HPSE2: variants seen among roughly 807,000 people sequenced by gnomAD.
HPSE2 encodes inactive heparanase-2.
A neutral mutation model predicts 60.5 loss-of-function variants in HPSE2; 38 were observed. The ratio of observed to expected loss-of-function variants is 0.63; its 90% confidence interval spans 0.48 to 0.82. The LOEUF (loss-of-function observed/expected upper bound fraction) is 0.82. Ranked by LOEUF, HPSE2 falls within the 40% of genes least tolerant of loss-of-function variation. The pLI is 0.00. For missense variants in HPSE2, 713 were observed against 740.4 expected, an observed-to-expected ratio of 0.96 and a Z score of 0.43; for synonymous variants, 295 against 293.2, an observed-to-expected ratio of 1.01 and a Z score of -0.06.
intron 3 of HPSE2, among the ~76,000 whole-genome samples, chr10:98,962,871 C>G (rs1425857329): frequency 6.6e-6 from 1 of 152,036 alleles, no homozygotes; most frequent in Non-Finnish European, 1.5e-5. Flanking sequence ...ATCCAACTTA[C>G]AAGGGATGTG....
In HPSE2 at chr10:98,994,377, T is replaced by C. The variant is rs188513185; in HGVS notation, c.610+149861A>G. On this transcript the variant is annotated intron_variant, in intron 3 of 11. Transcript: ENST00000370552. ...TCCTCAACCAGACAGCAGCTGCAGC[T>C]ACATCAAGTCAAATTCAGCCTAAGG... Among the ~76,000 whole-genome samples the C allele has an allele frequency of 1.7e-3, 256 of 152,236 alleles. 1 individual carries two copies. The highest frequency in any genetic ancestry group is 5.9e-3 in the African/African-American group (246 of 41,524).
intron 7 of HPSE2, among the ~76,000 whole-genome samples, chr10:98,624,776 C>T (rs894188783): frequency 1.3e-5 from 2 of 152,188 alleles, no homozygotes; most frequent in Non-Finnish European, 2.9e-5. Flanking sequence ...AAGGATCTTT[C>T]CTTGTCAAAG....
At chr10:99,094,953 C>T (rs1171024675) in intron 3 of HPSE2, among the ~76,000 whole-genome samples, 1 of 151,932 alleles carries the variant, frequency 6.6e-6, no homozygotes, top group Non-Finnish European at 1.5e-5. Context: ...TTTGGGAGGC[C>T]AAGGTGGGAG....
At chr10:99,305,967 G>GCACACACACACA in the HPSE2 span, among the ~76,000 whole-genome samples, 26 of 54,542 alleles carry the variant, frequency 4.8e-4, no homozygotes, top group Middle Eastern at 0.025. Context: ...ACACACGCGC[G>GCACACACACACA]CGCGCGCGCG....
At chr10:99,211,555 C>T (rs1311610403) in intron 2 of HPSE2, among the ~76,000 whole-genome samples, 1 of 152,040 alleles carries the variant, frequency 6.6e-6, no homozygotes, top group Admixed American at 6.5e-5. Context: ...AGAAATGGAG[C>T]CACACATTAC....
intron 4 of HPSE2, among the ~76,000 whole-genome samples, chr10:98,725,492 G>A (rs911024067): frequency 2.0e-5 from 3 of 152,176 alleles, no homozygotes; most frequent in African/African-American, 7.2e-5. Flanking sequence ...ATTAATTCAA[G>A]ATGGATTAAA....
chr10:99,008,025 A>G (rs1956931133), intron 3 of HPSE2, among the ~76,000 whole-genome samples: 2 of 152,198 alleles, frequency 1.3e-5, no homozygotes, highest in Admixed American at 1.3e-4. Flanking sequence ...GCAGTCCAAA[A>G]AGAAAATCCT....
chr10:98,831,061 T>A (rs1951672529), intron 3 of HPSE2, among the ~76,000 whole-genome samples: 1 of 152,196 alleles, frequency 6.6e-6, no homozygotes, highest in Admixed American at 6.5e-5. Flanking sequence ...TCCACCCCTC[T>A]GCATTTCCTT....
chr10:99,060,151 CA>C (rs903953216), intron 3 of HPSE2, among the ~76,000 whole-genome samples: 32 of 151,636 alleles, frequency 2.1e-4, no homozygotes, highest in Non-Finnish European at 4.6e-4. Context: ...AAATAAATAA[CA>C]AAAGACATAA....
rs115601554 is a variant in HPSE2, at chr10:98,473,091, A to G, written c.1613+9545T>C. Among the ~76,000 whole-genome samples the G allele has an allele frequency of 1.8e-3, 273 of 152,348 alleles. 2 individuals carry two copies. Among genetic ancestry groups the G allele is most frequent in the African/African-American group, 6.3e-3 (262 of 41,586 alleles). Reference sequence around the variant, plus strand: ...TATGGAGTTGGCAAAGATGTAAAAAATGTTACTATATTGTGTTAGTGAGGT... The same window carrying G: ...TATGGAGTTGGCAAAGATGTAAAAAGTGTTACTATATTGTGTTAGTGAGGT... On this transcript the variant is annotated intron_variant, in intron 11 of 11. Coordinates refer to ENST00000370552, the MANE Select transcript of HPSE2 (RefSeq NM_021828.5).
rs926531342 is a variant in HPSE2 at position 98,458,561 on chromosome 10, G to T, written c.*1013C>A. 9 of 152,192 alleles carry T rather than the reference G, an allele frequency of 5.9e-5. No homozygotes were observed. The highest frequency in any genetic ancestry group is 1.2e-4 in the Non-Finnish European group (8 of 68,034). 9.4% of individuals were successfully genotyped at this position (152,192 alleles called of 1,614,324 possible). ...AGATTCAGTTGTGTCTTCCAGTGAT[G>T]ACCTTGATTCACACTTTTTTCTTCT... On this transcript the variant is annotated 3_prime_UTR_variant, in exon 12 of 12. Transcript: ENST00000370552.
intron 11 of HPSE2, among the ~76,000 whole-genome samples, chr10:98,471,166 C>A (rs6584208): frequency 0.41 from 62,492 of 152,066 alleles, 14,105 homozygotes; most frequent in African/African-American, 0.62. Flanking sequence ...AATGAAGAAT[C>A]TAATCTGGGA....
At chr10:98,624,433 T>C (rs1299952505) in intron 7 of HPSE2, among the ~76,000 whole-genome samples, 2 of 152,082 alleles carry the variant, frequency 1.3e-5, no homozygotes, top group South Asian at 2.1e-4. Flanking sequence ...AAAAGAAGAC[T>C]ATCTGGAGTG....
At chr10:98,535,334 T>TA (rs553376690) in intron 9 of HPSE2, among the ~76,000 whole-genome samples, 347 of 152,232 alleles carry the variant, frequency 2.3e-3, no homozygotes, top group African/African-American at 7.9e-3. Context: ...GTTTTTTTTT[T>TA]AATTCTCTTC....
intron 3 of HPSE2, among the ~76,000 whole-genome samples, chr10:99,097,852 T>C (rs539388467): frequency 6.6e-6 from 1 of 152,280 alleles, no homozygotes; most frequent in Non-Finnish European, 1.5e-5. Flanking sequence ...TGGTAGTAAA[T>C]GGAAGAACCA....
the HPSE2 span, among the ~76,000 whole-genome samples, chr10:99,314,166 T>A: frequency 7.9e-5 from 12 of 152,126 alleles, no homozygotes. Context: ...ATAAAGTTTT[T>A]GGTTTTGGTT....
chr10:98,598,229 G>GT (rs1212166512), intron 9 of HPSE2, among the ~76,000 whole-genome samples: 1 of 152,122 alleles, frequency 6.6e-6, no homozygotes, highest in Non-Finnish European at 1.5e-5. Context: ...GGCTTTACCA[G>GT]TCAGCCCATC....
rs567780166 is a variant in HPSE2 at position 99,098,305 on chromosome 10, A to G, written c.610+45933T>C. On this transcript the variant is annotated intron_variant, in intron 3 of 11. Coordinates refer to ENST00000370552, the MANE Select transcript of HPSE2 (RefSeq NM_021828.5). ...TAAAAGTAATCTAGAAATGATGTAA[A>G]TCTAGATGTGTGTAGGTTATATGAA... 2.2e-4 allele frequency among the ~76,000 whole-genome samples: 33 copies of G among 152,368 alleles called. 2 individuals are homozygous for G. The South Asian group carries it at 6.6e-3, about 31-fold the overall frequency.
rs190082106 is a variant in HPSE2 at position 99,166,943 on chromosome 10, C to T, written c.449-22544G>A. Among the ~76,000 whole-genome samples, 12 of 151,350 alleles carry T rather than the reference C, an allele frequency of 7.9e-5. No homozygotes were observed. In the East Asian group the frequency reaches 2.3e-3, roughly 29 times the overall value. ...AAATTTTTTAAATGTTGACAAAGGC[C>T]AATTTATCTATTTTTCTTTTTATGG... On this transcript the variant is annotated intron_variant, in intron 2 of 11. Transcript: ENST00000370552.
Sources: allele counts gnomAD v4.1 joint callset (sites outside exome capture counted in the v4.1 genomes callset), GRCh38; gene constraint gnomAD v4.1.1; transcripts MANE v1.5; gene names NCBI Gene and HGNC (gene_info 2026-07-23, HGNC 2026-07-21).